EYA2: variants seen among roughly 807,000 people sequenced by gnomAD.
EYA2 encodes the protein protein phosphatase EYA2.
In EYA2, 31 loss-of-function variants were observed where a neutral mutation model predicts 69.2. The ratio of observed to expected loss-of-function variants is 0.45; its 90% CI spans 0.34 to 0.60. EYA2 has a LOEUF of 0.60. EYA2 is among the 20% of genes least tolerant of loss of function. EYA2 has a pLI of 0.02. For synonymous variants in EYA2, 257 were observed against 279.4 expected, an observed-to-expected ratio of 0.92 and a Z score of 0.80; for missense variants, 622 against 701.2, an observed-to-expected ratio of 0.89 and a Z score of 1.28.
At chr20:46,954,329 G>A (rs1317750427) in intron 1 of EYA2, among the ~76,000 whole-genome samples, 1 of 152,176 alleles carries the variant, frequency 6.6e-6, no homozygotes, top group Admixed American at 6.5e-5. Flanking sequence ...CATAGTAAAA[G>A]TTCAATAAAT....
At chr20:47,040,418 C>T (rs1312824299) in intron 5 of EYA2, among the ~76,000 whole-genome samples, 1 of 152,234 alleles carries the variant, frequency 6.6e-6, no homozygotes, top group Non-Finnish European at 1.5e-5. Context: ...GCTCCTTCCA[C>T]AGTCTGAGCC....
chr20:47,172,703 G>A lies in EYA2; in HGVS notation c.1038-4G>A, dbSNP rs376511852. On this transcript the variant is annotated splice_polypyrimidine_tract_variant and splice_region_variant and intron_variant, in intron 11 of 15. Transcript: ENST00000327619. ...ACACTGTCCCTCCCCTCCTCTCTCCGCAGCACATACAACTTCTCCGCTGAC... is the reference window on the plus strand; with the variant it reads ...ACACTGTCCCTCCCCTCCTCTCTCCACAGCACATACAACTTCTCCGCTGAC... 35 of 1,607,688 alleles carry A rather than the reference G, an allele frequency of 2.2e-5. No homozygotes were observed. Among genetic ancestry groups the A allele is most frequent in the East Asian group, 6.7e-5 (3 of 44,792 alleles).
chr20:46,992,571 C>T (rs139269743), intron 2 of EYA2, among the ~76,000 whole-genome samples: 6 of 152,324 alleles, frequency 3.9e-5, no homozygotes, highest in African/African-American at 1.2e-4. Context: ...TTCTAACTCA[C>T]TTTCTGCCAA....
chr20:46,908,289 T>C (rs1440862037), intron 1 of EYA2, among the ~76,000 whole-genome samples: 3 of 152,090 alleles, frequency 2.0e-5, no homozygotes, highest in Non-Finnish European at 4.4e-5. Flanking sequence ...GATAAGTCCA[T>C]GGAGAAAAAA....
intron 9 of EYA2, among the ~76,000 whole-genome samples, chr20:47,104,327 C>G (rs2032513649): frequency 6.6e-6 from 1 of 152,036 alleles, no homozygotes; most frequent in Non-Finnish European, 1.5e-5. Flanking sequence ...TATCTGGATA[C>G]CAGTCTATTA....
intron 4 of EYA2, among the ~76,000 whole-genome samples, chr20:47,010,163 T>C (rs1015601473): frequency 2.0e-5 from 3 of 152,224 alleles, no homozygotes; most frequent in Non-Finnish European, 2.9e-5. Context: ...ATGGGGTATA[T>C]GCATTCTTCA....
intron 1 of EYA2, among the ~76,000 whole-genome samples, chr20:46,952,927 T>A (rs1238773959): frequency 6.6e-6 from 1 of 152,200 alleles, no homozygotes; most frequent in Non-Finnish European, 1.5e-5. Context: ...TCGTTGCACA[T>A]CTAAACACAT....
chr20:47,004,930 C>T lies in EYA2; in HGVS notation c.156-12C>T, dbSNP rs1461900744. ...TGGGCCTGGAGATTTAATCTTCCCT[C>T]TTTCCACACAGATCTTGCCCACGTG... On this transcript the variant is annotated splice_polypyrimidine_tract_variant and intron_variant, in intron 3 of 15. Transcript: ENST00000327619. 2 of 1,614,048 alleles carry T rather than the reference C, an allele frequency of 1.2e-6. No homozygotes were observed. The highest frequency in any genetic ancestry group is 1.3e-5 in the African/African-American group (1 of 75,052).
At chr20:47,102,967 A>C (rs1344573452) in intron 9 of EYA2, among the ~76,000 whole-genome samples, 1 of 152,190 alleles carries the variant, frequency 6.6e-6, no homozygotes, top group Non-Finnish European at 1.5e-5. Context: ...AAAAGAAATT[A>C]GTCAGCTTTC....
rs531395105 is a variant in EYA2 at position 47,148,351 on chromosome 20, C to A, written c.978+5203C>A. Among the ~76,000 whole-genome samples, 330 of 152,286 alleles carry A rather than the reference C, an allele frequency of 2.2e-3. 1 individual carries two copies. The highest frequency in any genetic ancestry group is 0.015 in the South Asian group (73 of 4,824). Reference sequence around the variant, plus strand: ...GTCAGCACAGAGCCTGGCATACCTGCCCAATGTGGGGGCCTTTCCACCAGG... The same window carrying A: ...GTCAGCACAGAGCCTGGCATACCTGACCAATGTGGGGGCCTTTCCACCAGG... On this transcript the variant is annotated intron_variant, in intron 10 of 15. Coordinates refer to ENST00000327619, the MANE Select transcript of EYA2 (RefSeq NM_005244.5).
At chr20:47,171,054 A>G (rs2034310498) in intron 11 of EYA2, among the ~76,000 whole-genome samples, 1 of 152,246 alleles carries the variant, frequency 6.6e-6, no homozygotes, top group South Asian at 2.1e-4. Flanking sequence ...CAGCCCCACC[A>G]GGACTTCTCA....
chr20:46,967,846 G>T (rs1323093497), intron 1 of EYA2, among the ~76,000 whole-genome samples: 1 of 152,200 alleles, frequency 6.6e-6, no homozygotes, highest in Non-Finnish European at 1.5e-5. Flanking sequence ...GCTTGACCTT[G>T]TGTATTGGAG....
intron 14 of EYA2, among the ~76,000 whole-genome samples, chr20:47,181,520 A>G (rs2034537712): frequency 6.6e-6 from 1 of 152,154 alleles, no homozygotes; most frequent in African/African-American, 2.4e-5. Context: ...TGGGAAATGT[A>G]GTCCATAGCT....
chr20:46,965,994 C>A (rs1039604130), intron 1 of EYA2, among the ~76,000 whole-genome samples: 1 of 152,192 alleles, frequency 6.6e-6, no homozygotes, highest in East Asian at 1.9e-4. Context: ...GTGCCCATGG[C>A]GGCTGGGACT....
At chr20:47,178,129 A>C (rs1243650582) in intron 12 of EYA2, among the ~76,000 whole-genome samples, 1 of 152,084 alleles carries the variant, frequency 6.6e-6, no homozygotes, top group Non-Finnish European at 1.5e-5. Flanking sequence ...GGAGTTCAAG[A>C]CCAGTTTGGG....
intron 5 of EYA2, among the ~76,000 whole-genome samples, chr20:47,044,515 T>G (rs1272178803): frequency 3.3e-5 from 5 of 151,126 alleles, no homozygotes; most frequent in Non-Finnish European, 7.4e-5. Flanking sequence ...AGTAGAGTCT[T>G]TCGGGGGGGT....
At chr20:46,908,911 A>C in intron 1 of EYA2, among the ~76,000 whole-genome samples, 4 of 97,236 alleles carry the variant, frequency 4.1e-5, no homozygotes, top group Admixed American at 1.5e-4. Context: ...TTTTTTTACC[A>C]ATTCCTGACC....
At chr20:46,969,758 T>C (rs936972455) in intron 1 of EYA2, among the ~76,000 whole-genome samples, 40 of 152,182 alleles carry the variant, frequency 2.6e-4, no homozygotes, top group Non-Finnish European at 1.3e-4. Context: ...TTCATTTAAT[T>C]TTTCTTAGCA....
chr20:47,147,156 C>T (rs2033720477), intron 10 of EYA2, among the ~76,000 whole-genome samples: 1 of 146,868 alleles, frequency 6.8e-6, no homozygotes, highest in Non-Finnish European at 1.5e-5. Flanking sequence ...TCAAGCGATT[C>T]TCCTGCCTCA....
Sources: gnomAD v4.1 joint callset for allele counts (sites outside exome capture counted in the v4.1 genomes callset) on GRCh38, gnomAD v4.1.1 for gene constraint, MANE v1.5 for transcripts, NCBI Gene and HGNC (gene_info 2026-07-23, HGNC 2026-07-21) for gene names.